ZNF704: variants seen among roughly 807,000 people sequenced by gnomAD.
ZNF704 encodes zinc finger protein 704.
In ZNF704, 10 loss-of-function variants were observed where a neutral mutation model predicts 44.7. That is an observed-to-expected ratio of 0.22 (90% CI 0.14 to 0.38). ZNF704 has a LOEUF of 0.38. ZNF704 is among the 10% of genes least tolerant of loss of function. The pLI, the probability that ZNF704 is intolerant of heterozygous loss-of-function variation, is 1.00. For synonymous variants in ZNF704, 211 were observed against 207.6 expected, an observed-to-expected ratio of 1.02 and a Z score of -0.14; for missense variants, 390 against 545.5, an observed-to-expected ratio of 0.71 and a Z score of 2.84.
At chr8:80,881,332 T>C in the ZNF704 span, among the ~76,000 whole-genome samples, 1 of 152,202 alleles carries the variant, frequency 6.6e-6, no homozygotes. Context: ...ATGCAGCCAC[T>C]ACAAAGAGTG....
Position 80,640,676 on chromosome 8 carries a change from C to A in ZNF704, c.*690G>T, listed in dbSNP as rs1422134385. 1 of 152,240 alleles carries A rather than the reference C, an allele frequency of 6.6e-6. No individual in the cohort carries two copies. Among genetic ancestry groups the A allele is most frequent in the African/African-American group, 2.4e-5 (1 of 41,442 alleles). 9.4% of individuals were successfully genotyped at this position (152,240 alleles called of 1,614,324 possible). On this transcript the variant is annotated 3_prime_UTR_variant, in exon 9 of 9. Transcript: ENST00000327835. ...TGACAGCTGGACTTCCTGAACTCAG[C>A]TTCGGGCTGAAGTCTGCTGGTGATT...
intron 2 of ZNF704, among the ~76,000 whole-genome samples, chr8:80,772,037 A>G (rs978827789): frequency 1.1e-4 from 16 of 152,170 alleles, no homozygotes; most frequent in African/African-American, 3.9e-4. Flanking sequence ...ACAATGATTG[A>G]TCTTCAAATA....
chr8:80,714,441 G>C (rs1195471078), intron 2 of ZNF704, among the ~76,000 whole-genome samples: 1 of 151,918 alleles, frequency 6.6e-6, no homozygotes, highest in Non-Finnish European at 1.5e-5. Context: ...TTTTTTGTCT[G>C]ATTTTGTTTT....
chr8:80,791,704 T>C (rs993645789), intron 2 of ZNF704, among the ~76,000 whole-genome samples: 2 of 150,748 alleles, frequency 1.3e-5, no homozygotes, highest in Admixed American at 1.3e-4. Flanking sequence ...TCTACAGTTA[T>C]CTGGGCTGAA....
chr8:80,636,125 G>A lies in ZNF704; in HGVS notation c.*5241C>T, dbSNP rs925746699. 6.6e-6 allele frequency: 1 copy of A among 152,174 alleles called. No individual in the cohort carries two copies. The highest frequency in any genetic ancestry group is 1.9e-4 in the East Asian group (1 of 5,204). The allele number at this position is 152,174 out of a possible 1,614,324, so 9.4% of individuals were successfully genotyped here. A position where few individuals can be genotyped will look rare whatever the true frequency, so the allele number is the denominator to read the frequency against. On this transcript the variant is annotated 3_prime_UTR_variant, in exon 9 of 9. Coordinates refer to ENST00000327835, the MANE Select transcript of ZNF704 (RefSeq NM_001033723.3). ...CTGACGCTTATTACCAAAGTGTCAT[G>A]TCTCTTAGAACTGTAGAAGCCTAAT...
the ZNF704 span, among the ~76,000 whole-genome samples, chr8:80,879,793 A>T: frequency 6.6e-6 from 1 of 152,098 alleles, no homozygotes; most frequent in South Asian, 2.1e-4. Flanking sequence ...TCAATCTAAG[A>T]TGTGTAATTA....
At position 80,855,926 on chromosome 8, in the gene ZNF704, C is replaced by T. The variant is rs909218376; in HGVS notation, c.-22+18645G>A. Among the ~76,000 whole-genome samples the T allele has an allele frequency of 6.6e-5, 10 of 152,164 alleles. No individual in the cohort carries two copies. The South Asian group carries it at 1.2e-3, about 19-fold the overall frequency. On this transcript the variant is annotated intron_variant, in intron 1 of 8. Coordinates refer to ENST00000327835, the MANE Select transcript of ZNF704 (RefSeq NM_001033723.3). The stretch of plus-strand genomic sequence containing the variant: ...TCTATTTGCTTCAAAGAAATGCTCT[C>T]TCATTTGGTCAGAGGTCAGAGTTAC...
chr8:80,812,895 CTA>C (rs1263071044), intron 2 of ZNF704, among the ~76,000 whole-genome samples: 2 of 152,104 alleles, frequency 1.3e-5, no homozygotes, highest in Admixed American at 1.3e-4. Context: ...AGTACAGAAT[CTA>C]TAATGACAAG....
rs1817542674 is a variant in ZNF704, at chr8:80,628,871, T to C, written c.*12495A>G. 1 of 152,212 alleles carries C rather than the reference T, an allele frequency of 6.6e-6. No homozygotes were observed. The highest frequency in any genetic ancestry group is 2.4e-5 in the African/African-American group (1 of 41,450). The allele number at this position is 152,212 out of a possible 1,614,324, so 9.4% of individuals were successfully genotyped here. ...AACGGGCCACAGAAACTGTAAACAT[T>C]TGGTGGTCTCTTGATGCCCATTTCA... On this transcript the variant is annotated 3_prime_UTR_variant, in exon 9 of 9. Transcript: ENST00000327835.
chr8:80,820,680 C>T (rs754927118), intron 2 of ZNF704, among the ~76,000 whole-genome samples: 2 of 152,000 alleles, frequency 1.3e-5, no homozygotes, highest in Non-Finnish European at 2.9e-5. Context: ...GTGGGAGAAT[C>T]GCTTGAGCTC....
chr8:80,878,560 A>G (rs1206705557), upstream of ZNF704, among the ~76,000 whole-genome samples: 3 of 152,250 alleles, frequency 2.0e-5, 1 homozygote, highest in South Asian at 4.1e-4. Context: ...TAAAAAGCTT[A>G]TGAAAGTAAG....
In ZNF704 at chr8:80,851,164, G is replaced by A. The variant is rs148268721; in HGVS notation, c.-22+23407C>T. Among the ~76,000 whole-genome samples, 5 of 152,158 alleles carry A rather than the reference G, an allele frequency of 3.3e-5. No homozygotes were observed. The South Asian group carries it at 8.3e-4, about 25-fold the overall frequency. Reference sequence around the variant, plus strand: ...TGGTAAGAAATACAGTGTTTGTGGCGATTCCTCAGGGAACTAGAACTAGAA... The same window carrying A: ...TGGTAAGAAATACAGTGTTTGTGGCAATTCCTCAGGGAACTAGAACTAGAA... On this transcript the variant is annotated intron_variant, in intron 1 of 8. Transcript: ENST00000327835.
At chr8:80,742,112 G>T (rs1335154620) in intron 2 of ZNF704, among the ~76,000 whole-genome samples, 2 of 152,102 alleles carry the variant, frequency 1.3e-5, no homozygotes, top group Non-Finnish European at 2.9e-5. Flanking sequence ...AACCTAAAGA[G>T]GTGGCAGTCT....
intron 2 of ZNF704, among the ~76,000 whole-genome samples, chr8:80,778,862 G>C (rs542497020): frequency 6.6e-6 from 1 of 152,122 alleles, no homozygotes; most frequent in Non-Finnish European, 1.5e-5. Flanking sequence ...CTTGAGGGTG[G>C]AGCGTGGAAG....
intron 1 of ZNF704, among the ~76,000 whole-genome samples, chr8:80,826,656 A>T (rs1008284299): frequency 2.0e-5 from 3 of 152,230 alleles, no homozygotes; most frequent in African/African-American, 7.2e-5. Flanking sequence ...CCTGATGAAC[A>T]TCAATGCAAA....
intron 2 of ZNF704, among the ~76,000 whole-genome samples, chr8:80,748,015 G>A (rs561174342): frequency 1.3e-5 from 2 of 152,272 alleles, no homozygotes; most frequent in South Asian, 2.1e-4. Context: ...ATGAAAAAAT[G>A]TTTAAAGCAC....
the ZNF704 span, among the ~76,000 whole-genome samples, chr8:80,880,635 G>T: frequency 6.6e-6 from 1 of 152,014 alleles, no homozygotes. Flanking sequence ...GAGCTAGTAG[G>T]GTAAAAATGA....
At chr8:80,641,567 AGG>A in intron 8 of ZNF704, 90 bp from the exon 9 acceptor site, 3 of 482,546 alleles carry the variant, frequency 6.2e-6, no homozygotes, top group Middle Eastern at 3.9e-4. Context: ...AGAGTGAGGG[AGG>A]AAAAAAAAAA....
rs755476628 is a variant in ZNF704, at chr8:80,665,577, G to A, written c.660-495C>T. ...TGAGAAATGACTTAAGGGGTACCAC[G>A]TTCACTATTTGGATGCTGGTTACAC... is the stretch of plus-strand genomic sequence containing the variant. On this transcript the variant is annotated intron_variant, in intron 5 of 8. Coordinates refer to ENST00000327835, the MANE Select transcript of ZNF704 (RefSeq NM_001033723.3). Among the ~76,000 whole-genome samples, 107 of 152,106 alleles carry A rather than the reference G, an allele frequency of 7.0e-4. 1 individual carries two copies. The highest frequency in any genetic ancestry group is 1.4e-3 in the Non-Finnish European group (92 of 68,028).
Sources: gnomAD v4.1 joint callset for allele counts (sites outside exome capture counted in the v4.1 genomes callset) on GRCh38, gnomAD v4.1.1 for gene constraint, MANE v1.5 for transcripts, NCBI Gene and HGNC (gene_info 2026-07-23, HGNC 2026-07-21) for gene names.